Variants in PRKCQ observed in about 807,000 individuals in gnomAD.
PRKCQ encodes protein kinase C theta, also known as protein kinase C theta type.
PRKCQ carries 41 observed loss-of-function variants against 91.2 expected under a neutral mutation model. The observed-to-expected ratio is 0.45, with a 90% CI of 0.35 to 0.58. The LOEUF (loss-of-function observed/expected upper bound fraction) is 0.58. Among genes scored for constraint, PRKCQ ranks in the 20% least tolerant of loss-of-function variants. The probability of loss-of-function intolerance (pLI) is 0.00; values close to 1 mark genes in which losing one functional copy is unlikely to be tolerated. For missense variants in PRKCQ, 673 were observed against 896.5 expected (o/e 0.75, Z 3.18); for synonymous variants, 307 against 316.9 (o/e 0.97, Z 0.33).
chr10:6,456,007 G>A (rs1264920296), intron 15 of PRKCQ, among the ~76,000 whole-genome samples: 1 of 152,192 alleles, frequency 6.6e-6, no homozygotes, highest in Admixed American at 6.5e-5. Flanking sequence ...TGGGAGGGGT[G>A]TCACTAATCT....
chr10:6,413,295 T>G, the PRKCQ span, among the ~76,000 whole-genome samples: 1 of 139,098 alleles, frequency 7.2e-6, no homozygotes, highest in African/African-American at 2.8e-5. Context: ...TCTAAAAAAG[T>G]TAGGCTTACT....
intron 1 of PRKCQ, among the ~76,000 whole-genome samples, chr10:6,534,599 C>A (rs1269860841): frequency 2.0e-5 from 3 of 151,726 alleles, no homozygotes; most frequent in African/African-American, 7.3e-5. Flanking sequence ...CTGTTCATTG[C>A]AGCACAGTTT....
intron 7 of PRKCQ, among the ~76,000 whole-genome samples, chr10:6,495,493 G>A (rs932075803): frequency 1.7e-4 from 26 of 152,182 alleles, no homozygotes; most frequent in South Asian, 2.1e-4. Flanking sequence ...TGTTCCCTCC[G>A]TTGGGGAGAT....
rs1837703998 is a variant in PRKCQ, at chr10:6,497,921, CTA to C, written c.542+473_542+474del. ...AGTCTCCACTCTGTCATAGCCTTTG[CTA>C]TGTGGTTACTGAGGTTTAAACTGAT... On this transcript the variant is annotated intron_variant, in intron 5 of 17. Coordinates refer to ENST00000263125, the MANE Select transcript of PRKCQ (RefSeq NM_006257.5). This position sits in a 1 kb window ranked among gnomAD's most constrained non-coding sequence, Gnocchi z 4.5. Among the ~76,000 whole-genome samples the C allele has an allele frequency of 6.6e-6, 1 of 152,164 alleles. No individual in the cohort carries two copies. Among genetic ancestry groups the C allele is most frequent in the Non-Finnish European group, 1.5e-5 (1 of 68,032 alleles).
chr10:6,535,449 A>C (rs887557329), intron 1 of PRKCQ, among the ~76,000 whole-genome samples: 1 of 152,196 alleles, frequency 6.6e-6, no homozygotes, highest in African/African-American at 2.4e-5. Flanking sequence ...CATGATGTTA[A>C]ATCCACATAT....
intron 12 of PRKCQ, 111 bp downstream of exon 12, chr10:6,478,881 G>C (rs745733091): frequency 1.6e-6 from 2 of 1,262,634 alleles, no homozygotes; most frequent in Non-Finnish European, 2.2e-6. Flanking sequence ...ACACCGAAAT[G>C]TAAGATAAAT....
At chr10:6,560,054 T>C (rs1167682761) in intron 1 of PRKCQ, among the ~76,000 whole-genome samples, 1 of 152,230 alleles carries the variant, frequency 6.6e-6, no homozygotes, top group African/African-American at 2.4e-5. Context: ...CTCCCCTGTA[T>C]TTTAAACGCC....
At chr10:6,444,502 AT>A (rs1432093528) in intron 15 of PRKCQ, among the ~76,000 whole-genome samples, 1 of 152,168 alleles carries the variant, frequency 6.6e-6, no homozygotes, top group Non-Finnish European at 1.5e-5. Context: ...GGGAAAAAAA[AT>A]CTTCGTTAAT....
At chr10:6,442,624 C>G (rs1834032120) in intron 15 of PRKCQ, among the ~76,000 whole-genome samples, 1 of 152,158 alleles carries the variant, frequency 6.6e-6, no homozygotes, top group African/African-American at 2.4e-5. Flanking sequence ...CATGCAGAAT[C>G]AAATTGTGTC....
intron 15 of PRKCQ, among the ~76,000 whole-genome samples, chr10:6,447,237 T>C (rs914356156): frequency 6.6e-6 from 1 of 151,988 alleles, no homozygotes. Context: ...TGAAACCCTG[T>C]CTCTACTAAA....
intron 1 of PRKCQ, among the ~76,000 whole-genome samples, chr10:6,547,691 G>T (rs1368795402): frequency 6.6e-6 from 1 of 151,234 alleles, no homozygotes; most frequent in Non-Finnish European, 1.5e-5. Context: ...GTAGAAAGCT[G>T]AAACTGGATC....
In PRKCQ at chr10:6,503,393, G is replaced by C. The variant is rs537693245; in HGVS notation, c.379+4043C>G. Among the ~76,000 whole-genome samples the C allele has an allele frequency of 4.4e-4, 67 of 152,252 alleles. 1 individual carries two copies. Among genetic ancestry groups the C allele is most frequent in the Admixed American group, 4.1e-3 (63 of 15,284 alleles). On this transcript the variant is annotated intron_variant, in intron 4 of 17. Coordinates refer to ENST00000263125, the MANE Select transcript of PRKCQ (RefSeq NM_006257.5). ...AAGGTGTGAAATAGAAAGTTGGCAG[G>C]GGGGCATGAGATGACATTGGGGAAT... is the stretch of plus-strand genomic sequence containing the variant.
chr10:6,578,979 C>T (rs1841345835), intron 1 of PRKCQ, among the ~76,000 whole-genome samples: 1 of 152,168 alleles, frequency 6.6e-6, no homozygotes, highest in South Asian at 2.1e-4. Context: ...CCAGTGGGGA[C>T]CATGGCTTCT....
intron 7 of PRKCQ, among the ~76,000 whole-genome samples, chr10:6,495,437 G>A (rs1226446372): frequency 6.6e-6 from 1 of 152,088 alleles, no homozygotes; most frequent in Non-Finnish European, 1.5e-5. Context: ...CCTTCCTCCT[G>A]CTCTTCACCT....
intron 1 of PRKCQ, among the ~76,000 whole-genome samples, chr10:6,573,391 C>G (rs1487373027): frequency 6.6e-6 from 1 of 152,206 alleles, no homozygotes; most frequent in East Asian, 1.9e-4. Flanking sequence ...CTCTGAACCC[C>G]TGTCCTTTTG....
intron 1 of PRKCQ, among the ~76,000 whole-genome samples, chr10:6,560,236 T>G (rs770311187): frequency 6.6e-6 from 1 of 152,182 alleles, no homozygotes; most frequent in Admixed American, 6.5e-5. Flanking sequence ...AGGATCTGTG[T>G]CCCCTAAGAT....
the PRKCQ span, among the ~76,000 whole-genome samples, chr10:6,404,223 G>C: frequency 9.6e-6 from 1 of 104,058 alleles, no homozygotes; most frequent in Non-Finnish European, 1.8e-5. Flanking sequence ...AAACTAGAGA[G>C]AGAGAGAGAG....
chr10:6,397,365 A>G, the PRKCQ span, among the ~76,000 whole-genome samples: 1 of 152,104 alleles, frequency 6.6e-6, no homozygotes, highest in Non-Finnish European at 1.5e-5. Context: ...AAGTGCTGAG[A>G]TTACAGGCAT....
At chr10:6,471,848 C>A (rs1835988103) in intron 12 of PRKCQ, among the ~76,000 whole-genome samples, 1 of 152,170 alleles carries the variant, frequency 6.6e-6, no homozygotes, top group South Asian at 2.1e-4. Context: ...GAGGCACTCT[C>A]TTGAAGGAGA....
Sources: gnomAD v4.1 joint callset for allele counts (sites outside exome capture counted in the v4.1 genomes callset) on GRCh38, gnomAD v4.1.1 for gene constraint, Gnocchi (gnomAD v3.1) non-coding constraint, MANE v1.5 for transcripts, NCBI Gene and HGNC (gene_info 2026-07-23, HGNC 2026-07-21) for gene names.